The following ARHGAP39 variants were observed in gnomAD, a reference collection of about 807,000 sequenced individuals.
ARHGAP39 encodes the protein Rho GTPase activating protein 39.
In ARHGAP39, 44 loss-of-function variants were observed where a neutral mutation model predicts 106.9. That is an observed-to-expected ratio of 0.41 (90% CI 0.32 to 0.53). ARHGAP39 has a LOEUF of 0.53. ARHGAP39 is among the 20% of genes least tolerant of loss of function. ARHGAP39 has a pLI of 0.21. For synonymous variants in ARHGAP39, 768 were observed against 693.2 expected, an observed-to-expected ratio of 1.11 and a Z score of -1.69; for missense variants, 1,496 against 1,577.3, an observed-to-expected ratio of 0.95 and a Z score of 0.87.
In ARHGAP39 at chr8:144,529,766, T is replaced by A. The variant is rs552971909; in HGVS notation, c.*656A>T. ...ATTTACAGTTACACGAAGAAAAAAA[T>A]ACTCTCGCCCCTCCCCCACCCTGCC... On this transcript the variant is annotated 3_prime_UTR_variant, in exon 12 of 12. Coordinates refer to ENST00000377307, the MANE Select transcript of ARHGAP39 (RefSeq NM_025251.3). 2.6e-5 allele frequency: 4 copies of A among 151,514 alleles called. No individual in the cohort carries two copies. Among genetic ancestry groups the A allele is most frequent in the Non-Finnish European group, 5.9e-5 (4 of 67,916 alleles). 9.4% of individuals were successfully genotyped at this position (151,514 alleles called of 1,614,324 possible). A position where few individuals can be genotyped will look rare whatever the true frequency, so the allele number is the denominator to read the frequency against.
At chr8:144,559,467 A>G (rs1414516572) in intron 3 of ARHGAP39, among the ~76,000 whole-genome samples, 1 of 152,138 alleles carries the variant, frequency 6.6e-6, no homozygotes, top group Non-Finnish European at 1.5e-5. Flanking sequence ...CCAAATATAT[A>G]AAATAATTCA....
chr8:144,548,532 G>A lies in ARHGAP39; in HGVS notation c.597-43C>T, dbSNP rs759119375. ...GGGCACAGGTGACTGCCTGCCTGCT[G>A]CTTCTGGGCACGCCCCACCCCCTCG... On this transcript the variant is annotated intron_variant, in intron 4 of 11. Transcript: ENST00000377307. This position sits in a 1 kb window ranked among gnomAD's most constrained non-coding sequence, Gnocchi z 7.4. The A allele has an allele frequency of 7.6e-6, 12 of 1,585,926 alleles. No individual in the cohort carries two copies. The South Asian group carries it at 1.2e-4, about 16-fold the overall frequency.
intron 3 of ARHGAP39, among the ~76,000 whole-genome samples, chr8:144,559,354 CAAAAAAAAAA>C (rs59435627): frequency 6.4e-3 from 273 of 42,928 alleles, no homozygotes; most frequent in African/African-American, 0.029. Flanking sequence ...ACTTTGTCTC[CAAAAAAAAAA>C]AAAAAAAAAA....
Position 144,581,193 on chromosome 8 carries a change from C to A in ARHGAP39, c.165G>T (p.Pro55=), listed in dbSNP as rs759315006. The change falls in exon 3 of 12, where the codon CCG becomes CCT. Residue 55 remains proline (P), a synonymous_variant. Transcript: ENST00000377307. ...TGCGCTTGATGCGGACGCCGGCCGG[C>A]GGGTCCCACACGCACTCACCGGTGA... The part of the protein sequence containing the change: ...NLVTGECVWD[P]PAGVRIKRTS... 1 of 1,559,280 alleles carries A rather than the reference C, an allele frequency of 6.4e-7. No homozygotes were observed. Among genetic ancestry groups the A allele is most frequent in the South Asian group, 1.2e-5 (1 of 84,820 alleles).
intron 1 of ARHGAP39, among the ~76,000 whole-genome samples, chr8:144,639,080 A>C (rs1821244567): frequency 6.6e-6 from 1 of 152,144 alleles, no homozygotes; most frequent in Non-Finnish European, 1.5e-5. Flanking sequence ...TAATCCCGAC[A>C]CTTTGGGAGG....
intron 1 of ARHGAP39, among the ~76,000 whole-genome samples, chr8:144,669,639 T>A (rs1822052652): frequency 6.6e-6 from 1 of 152,030 alleles, no homozygotes; most frequent in African/African-American, 2.4e-5. Flanking sequence ...CCGGCACTTG[T>A]ATACAGAATA....
rs531253649 is a variant in ARHGAP39 at position 144,599,557 on chromosome 8, A to G, written c.80+5978T>C. On this transcript the variant is annotated intron_variant, in intron 2 of 11. Transcript: ENST00000377307. ...GGCAGGTGCAGAAAGGGCACGGGGA[A>G]GAGGCCTGGCTGAATGTGCCTGTGT... Among the ~76,000 whole-genome samples, 3 of 152,342 alleles carry G rather than the reference A, an allele frequency of 2.0e-5. No individual in the cohort carries two copies. The South Asian group carries it at 6.2e-4, about 32-fold the overall frequency.
At chr8:144,545,877 CCA>C in intron 5 of ARHGAP39, 67 bp from the exon 6 acceptor site, 1 of 1,366,644 alleles carries the variant, frequency 7.3e-7, no homozygotes, top group Non-Finnish European at 9.7e-7. Context: ...GCCCACTGGG[CCA>C]CAGTCCCCAG....
At chr8:144,699,166 A>G in the ARHGAP39 span, 1 of 200,198 alleles carries the variant, frequency 5.0e-6, no homozygotes, top group Non-Finnish European at 9.5e-6. Context: ...TGGGGCAGTG[A>G]GGGGCGCTGT....
At chr8:144,636,457 A>C (rs1352476830) in intron 1 of ARHGAP39, among the ~76,000 whole-genome samples, 1 of 152,160 alleles carries the variant, frequency 6.6e-6, no homozygotes, top group East Asian at 1.9e-4. Flanking sequence ...GGAAGAAACT[A>C]TGGGGTCTGC....
chr8:144,559,932 C>T (rs981315270), intron 3 of ARHGAP39, among the ~76,000 whole-genome samples: 1 of 152,154 alleles, frequency 6.6e-6, no homozygotes, highest in Non-Finnish European at 1.5e-5. Context: ...TGGAAGTTTC[C>T]ACTTGTGGCA....
intron 2 of ARHGAP39, among the ~76,000 whole-genome samples, chr8:144,600,900 CGTG>C (rs1413138244): frequency 5.6e-5 from 7 of 125,630 alleles, no homozygotes; most frequent in South Asian, 2.7e-4. Context: ...TGTGCGTGTG[CGTG>C]GTGTGTGCAA....
chr8:144,545,217 G>T, intron 6 of ARHGAP39, 32 bp downstream of exon 6: 1 of 1,483,520 alleles, frequency 6.7e-7, no homozygotes, highest in South Asian at 1.4e-5. Flanking sequence ...GCCCTTACCT[G>T]AGCTGGTGGC....
chr8:144,676,731 G>A (rs372188501), intron 1 of ARHGAP39, among the ~76,000 whole-genome samples: 7 of 152,222 alleles, frequency 4.6e-5, no homozygotes, highest in South Asian at 2.1e-4. Context: ...CCACAGCACC[G>A]GCTCCCGCCC....
intron 2 of ARHGAP39, among the ~76,000 whole-genome samples, chr8:144,605,127 T>C (rs770815467): frequency 7.9e-5 from 12 of 152,172 alleles, no homozygotes; most frequent in Admixed American, 2.6e-4. Flanking sequence ...CTAGACGTGG[T>C]GGTGCACACC....
intron 1 of ARHGAP39, among the ~76,000 whole-genome samples, chr8:144,609,717 T>C (rs919175367): frequency 5.9e-5 from 9 of 152,160 alleles, no homozygotes; most frequent in Non-Finnish European, 1.0e-4. Context: ...GTCCTTTTTA[T>C]ATATTCTCAA....
rs1004370519 is a variant in ARHGAP39, at chr8:144,604,333, C to A, written c.80+1202G>T. On this transcript the variant is annotated intron_variant, in intron 2 of 11. Coordinates refer to ENST00000377307, the MANE Select transcript of ARHGAP39 (RefSeq NM_025251.3). The surrounding 1 kb of genome is among the most constrained non-coding windows in gnomAD (Gnocchi z 4.1). ...GACCCAACACCACCTGTATGGCATT[C>A]TCCTGAAAAACTGTCAGACAAACCC... is the stretch of plus-strand genomic sequence containing the variant. Among the ~76,000 whole-genome samples the A allele has an allele frequency of 6.6e-6, 1 of 152,180 alleles. No homozygotes were observed. Among genetic ancestry groups the A allele is most frequent in the African/African-American group, 2.4e-5 (1 of 41,450 alleles).
chr8:144,606,552 T>C (rs1820297853), intron 1 of ARHGAP39, among the ~76,000 whole-genome samples: 1 of 152,190 alleles, frequency 6.6e-6, no homozygotes, highest in Non-Finnish European at 1.5e-5. Flanking sequence ...TTGACTGTTG[T>C]TATCCGAAGG....
rs1822063899 is a variant in ARHGAP39, at chr8:144,670,118, G to A, written c.-82+15568C>T. Among the ~76,000 whole-genome samples the A allele has an allele frequency of 2.0e-5, 3 of 152,294 alleles. No homozygotes were observed. The highest frequency in any genetic ancestry group is 4.1e-4 in the South Asian group (2 of 4,826). Reference sequence around the variant, plus strand: ...ACGGAACGTCCCTCAGCAATAAAAAGCAACAGAGCTCGGATGCATGCTAGA... The same window carrying A: ...ACGGAACGTCCCTCAGCAATAAAAAACAACAGAGCTCGGATGCATGCTAGA... On this transcript the variant is annotated intron_variant, in intron 1 of 11. Transcript: ENST00000377307. The surrounding 1 kb of genome is among the most constrained non-coding windows in gnomAD (Gnocchi z 4.4).
Sources: gnomAD v4.1 joint callset for allele counts (sites outside exome capture counted in the v4.1 genomes callset) on GRCh38, gnomAD v4.1.1 for gene constraint, Gnocchi (gnomAD v3.1) non-coding constraint, MANE v1.5 for transcripts, NCBI Gene and HGNC (gene_info 2026-07-23, HGNC 2026-07-21) for gene names.